PIK3C2G: variants seen among roughly 807,000 people sequenced by gnomAD.
PIK3C2G encodes phosphatidylinositol-4-phosphate 3-kinase catalytic subunit type 2 gamma.
Under a neutral mutation model 181.1 loss-of-function variants are expected in PIK3C2G, and 168 were observed. The observed-to-expected ratio is 0.93, with a 90% confidence interval of 0.82 to 1.05. PIK3C2G has a LOEUF of 1.05. PIK3C2G is among the 50% of genes least tolerant of loss of function. PIK3C2G has a pLI of 0.00. For missense variants in PIK3C2G, 1,869 were observed against 1,732.8 expected, an observed-to-expected ratio of 1.08 and a Z score of -1.40; for synonymous variants, 573 against 592.2, an observed-to-expected ratio of 0.97 and a Z score of 0.47.
the PIK3C2G span, among the ~76,000 whole-genome samples, chr12:18,686,513 T>C: frequency 2.0e-5 from 3 of 151,402 alleles, no homozygotes; most frequent in Non-Finnish European, 4.4e-5. Context: ...TTAGGACTTG[T>C]GTTCTGTCTC....
At chr12:18,520,960 A>G (rs1346090313) in intron 24 of PIK3C2G, among the ~76,000 whole-genome samples, 1 of 151,688 alleles carries the variant, frequency 6.6e-6, no homozygotes, top group Non-Finnish European at 1.5e-5. Flanking sequence ...TTGTTGTTGC[A>G]TTCTGTTTGT....
At chr12:18,250,204 C>G (rs1334582541) in intron 1 of PIK3C2G, among the ~76,000 whole-genome samples, 1 of 151,878 alleles carries the variant, frequency 6.6e-6, no homozygotes, top group Non-Finnish European at 1.5e-5. Context: ...TGTACTATAT[C>G]TAGGTAATAT....
chr12:18,317,063 G>C (rs901062573), intron 6 of PIK3C2G, among the ~76,000 whole-genome samples: 10 of 147,992 alleles, frequency 6.8e-5, no homozygotes, highest in Admixed American at 6.1e-4. Context: ...GCCCAGGCTG[G>C]AGTGCAGTGG....
chr12:18,508,765 A>C (rs1339270694), intron 24 of PIK3C2G, among the ~76,000 whole-genome samples: 1 of 152,164 alleles, frequency 6.6e-6, no homozygotes, highest in Non-Finnish European at 1.5e-5. Flanking sequence ...AATGAGTTTA[A>C]TAACACCCCC....
the PIK3C2G span, among the ~76,000 whole-genome samples, chr12:18,663,956 T>G: frequency 5.3e-5 from 8 of 152,260 alleles, no homozygotes; most frequent in South Asian, 1.7e-3. Context: ...TAGACATTTC[T>G]CCAAAGAAGA....
intron 18 of PIK3C2G, among the ~76,000 whole-genome samples, chr12:18,450,258 C>G (rs1226360644): frequency 6.6e-6 from 1 of 152,200 alleles, no homozygotes; most frequent in South Asian, 2.1e-4. Context: ...TCCCAAGTAG[C>G]TGGGATTACA....
chr12:18,448,520 C>T (rs2135871825), intron 18 of PIK3C2G, among the ~76,000 whole-genome samples: 1 of 152,224 alleles, frequency 6.6e-6, no homozygotes, highest in East Asian at 1.9e-4. Context: ...ACAACTGCAT[C>T]TCTGTTCCCT....
intron 24 of PIK3C2G, among the ~76,000 whole-genome samples, chr12:18,534,129 T>A (rs1943712225): frequency 6.6e-6 from 1 of 151,518 alleles, no homozygotes; most frequent in Non-Finnish European, 1.5e-5. Context: ...TTTGTATTTT[T>A]TGTAGAGATA....
chr12:18,532,919 C>T (rs1387345888), intron 24 of PIK3C2G, among the ~76,000 whole-genome samples: 21 of 145,066 alleles, frequency 1.4e-4, no homozygotes, highest in African/African-American at 5.4e-4. Context: ...CCCTTTAAAG[C>T]AGGCTTTTCT....
At chr12:18,428,985 C>G (rs1215109582) in intron 18 of PIK3C2G, among the ~76,000 whole-genome samples, 1 of 152,022 alleles carries the variant, frequency 6.6e-6, no homozygotes, top group Non-Finnish European at 1.5e-5. Flanking sequence ...GAGTGGTGGC[C>G]CCAAAGAAGA....
chr12:18,601,947 G>A (rs1025993462), intron 30 of PIK3C2G, among the ~76,000 whole-genome samples: 1 of 152,094 alleles, frequency 6.6e-6, no homozygotes, highest in Non-Finnish European at 1.5e-5. Context: ...TCCATCAGTG[G>A]GGTGGCCAGA....
chr12:18,328,636 TTA>T (rs1456593599), intron 8 of PIK3C2G, among the ~76,000 whole-genome samples: 2 of 151,992 alleles, frequency 1.3e-5, no homozygotes, highest in African/African-American at 4.8e-5. Context: ...TTCCTCAGAT[TTA>T]TATGATTCAT....
In PIK3C2G at chr12:18,505,340, T is replaced by C; in HGVS notation, c.3202T>C (p.Phe1068Leu). The change falls in exon 24 of 33, where the codon TTC (phenylalanine) becomes CTC (leucine). Residue 1068 changes from phenylalanine to leucine, a missense_variant. Phe to Leu is a conservative substitution (Grantham distance 22, BLOSUM62 0). Coordinates refer to ENST00000538779, the MANE Select transcript of PIK3C2G (RefSeq NM_001288772.2). The part of the protein sequence containing the change: ...YSCAGWCVVT[F>L]ILGVCDRHND... ...CTGTGCTGGCTGGTGTGTGGTAACA[T>C]TCATCCTGGGAGTATGTGACCGTCA... The C allele has an allele frequency of 6.2e-7, 1 of 1,612,964 alleles. No individual in the cohort carries two copies. The highest frequency in any genetic ancestry group is 8.5e-7 in the Non-Finnish European group (1 of 1,179,338).
At chr12:18,272,382 C>G (rs1317128427) in intron 1 of PIK3C2G, among the ~76,000 whole-genome samples, 1 of 152,076 alleles carries the variant, frequency 6.6e-6, no homozygotes, top group East Asian at 1.9e-4. Context: ...GTTTTGAATT[C>G]TTTATCAGGA....
intron 13 of PIK3C2G, among the ~76,000 whole-genome samples, chr12:18,378,314 T>TCCCC (rs780076946): frequency 7.6e-5 from 11 of 144,020 alleles, no homozygotes; most frequent in African/African-American, 2.6e-4. Context: ...CCTCATGAGT[T>TCCCC]CCCCCCCCCG....
intron 11 of PIK3C2G, among the ~76,000 whole-genome samples, chr12:18,359,354 T>C (rs1019472480): frequency 9.9e-5 from 15 of 152,212 alleles, no homozygotes; most frequent in Admixed American, 1.3e-4. Flanking sequence ...TGACCTAACA[T>C]GTCATCTAGC....
At chr12:18,435,899 C>T (rs569256876) in intron 18 of PIK3C2G, among the ~76,000 whole-genome samples, 1 of 151,698 alleles carries the variant, frequency 6.6e-6, no homozygotes, top group South Asian at 2.1e-4. Context: ...TCATACTTTA[C>T]TTGACCATTT....
intron 30 of PIK3C2G, among the ~76,000 whole-genome samples, chr12:18,600,137 T>C (rs1282650137): frequency 6.6e-6 from 1 of 152,022 alleles, no homozygotes; most frequent in Non-Finnish European, 1.5e-5. Flanking sequence ...TGAAAGTTTA[T>C]AAAATAGATG....
At position 18,563,406 on chromosome 12, in the gene PIK3C2G, C is replaced by T; in HGVS notation, c.3810C>T (p.Asn1270=). The T allele has an allele frequency of 6.2e-7, 1 of 1,613,100 alleles. No individual in the cohort carries two copies. The highest frequency in any genetic ancestry group is 8.5e-7 in the Non-Finnish European group (1 of 1,179,404). The change falls in exon 28 of 33, where the codon AAC becomes AAT. Residue 1270 remains asparagine (N), a synonymous_variant. Transcript: ENST00000538779. ...ATCTGATCCAGGTGACACACAGCAA[C>T]AACGAAACAAGCCTGACAGAAAAAT... The part of the protein sequence containing the change: ...NLYLIQVTHS[N]NETSLTEKSF...
Sources: allele counts gnomAD v4.1 joint callset (sites outside exome capture counted in the v4.1 genomes callset), GRCh38; gene constraint gnomAD v4.1.1; transcripts MANE v1.5; gene names NCBI Gene and HGNC (gene_info 2026-07-23, HGNC 2026-07-21).